Variants in TFEC observed in about 807,000 individuals in gnomAD.
The protein encoded by TFEC is transcription factor EC.
Under a neutral mutation model 41.6 loss-of-function variants are expected in TFEC, and 31 were observed. That is an observed-to-expected ratio of 0.74 (90% CI 0.56 to 1.01). The LOEUF (loss-of-function observed/expected upper bound fraction) is 1.01, where lower values mean the gene tolerates loss of function less well. TFEC is among the 50% of genes least tolerant of loss of function. The probability of loss-of-function intolerance (pLI) is 0.00; values close to 1 mark genes in which losing one functional copy is unlikely to be tolerated. For synonymous variants in TFEC, 143 were observed against 140.6 expected, an observed-to-expected ratio of 1.02 and a Z score of -0.12; for missense variants, 402 against 404.1, an observed-to-expected ratio of 0.99 and a Z score of 0.04.
At chr7:115,952,931 G>A (rs1190982725) in intron 5 of TFEC, among the ~76,000 whole-genome samples, 5 of 151,982 alleles carry the variant, frequency 3.3e-5, no homozygotes, top group East Asian at 1.9e-4. Context: ...CTGGGTTATC[G>A]GCACAAGCAA....
Position 115,956,786 on chromosome 7 carries a change from C to G in TFEC, c.275G>C (p.Gly92Ala). The G allele has an allele frequency of 6.4e-7, 1 of 1,565,826 alleles. No individual in the cohort carries two copies. Among genetic ancestry groups the G allele is most frequent in the Non-Finnish European group, 8.7e-7 (1 of 1,155,850 alleles). Reference protein sequence around the residue: ...SPLLMQRTLSGSILDVYSGEQ... With the variant: ...SPLLMQRTLSASILDVYSGEQ... Reference sequence around the variant, plus strand: ...ACCGCTATACACATCCAAAATACTTCCAGATAACTTGAGAGGAAAAAGGAA... The same window carrying G: ...ACCGCTATACACATCCAAAATACTTGCAGATAACTTGAGAGGAAAAAGGAA... Residue 92 changes from glycine (G) to alanine (A), a missense_variant, in exon 4 of 8, where the codon GGA becomes GCA. Physicochemically the swap from Gly to Ala is moderately conservative, Grantham distance 60 (BLOSUM62 0). Transcript: ENST00000265440.
At chr7:116,113,028 T>G (rs1199344827) in intron 1 of TFEC, among the ~76,000 whole-genome samples, 1 of 151,910 alleles carries the variant, frequency 6.6e-6, no homozygotes, top group Non-Finnish European at 1.5e-5. Flanking sequence ...TGGAATTCAC[T>G]AGGAGATAGG....
intron 4 of TFEC, among the ~76,000 whole-genome samples, chr7:115,955,204 A>C (rs1002767750): frequency 6.6e-6 from 1 of 151,994 alleles, no homozygotes; most frequent in African/African-American, 2.4e-5. Context: ...TTATATGACC[A>C]TCAACCTCCA....
intron 1 of TFEC, among the ~76,000 whole-genome samples, chr7:116,024,753 T>C (rs888484727): frequency 6.6e-6 from 1 of 152,210 alleles, no homozygotes; most frequent in Non-Finnish European, 1.5e-5. Flanking sequence ...GAGTACTTCA[T>C]GTTTTAGCTT....
intron 3 of TFEC, among the ~76,000 whole-genome samples, chr7:116,057,491 C>T (rs1796456778): frequency 6.6e-6 from 1 of 151,720 alleles, no homozygotes; most frequent in Non-Finnish European, 1.5e-5. Context: ...GAATTCATCA[C>T]CAGCATACCC....
intron 3 of TFEC, among the ~76,000 whole-genome samples, chr7:115,958,914 C>T (rs1338729437): frequency 6.6e-6 from 1 of 151,726 alleles, no homozygotes; most frequent in East Asian, 1.9e-4. Context: ...ACCTAAAGTG[C>T]ATTTTCTCCA....
chr7:116,072,505 TA>T (rs1214177082), intron 3 of TFEC, among the ~76,000 whole-genome samples: 1 of 151,732 alleles, frequency 6.6e-6, no homozygotes, highest in Non-Finnish European at 1.5e-5. Flanking sequence ...AGCAGATATT[TA>T]TATCAGAACA....
intron 3 of TFEC, among the ~76,000 whole-genome samples, chr7:116,109,216 G>C (rs1468278529): frequency 1.3e-5 from 2 of 151,436 alleles, no homozygotes; most frequent in Non-Finnish European, 2.9e-5. Context: ...AGCCAAAATT[G>C]ACAAATGGGA....
At chr7:115,942,730 T>C (rs1402546671) in intron 6 of TFEC, among the ~76,000 whole-genome samples, 3 of 152,034 alleles carry the variant, frequency 2.0e-5, no homozygotes, top group South Asian at 2.1e-4. Flanking sequence ...TTTTAGGCTA[T>C]AGCATAGAAG....
intron 1 of TFEC, among the ~76,000 whole-genome samples, chr7:116,027,007 G>T (rs1051017876): frequency 6.6e-6 from 1 of 152,112 alleles, no homozygotes; most frequent in African/African-American, 2.4e-5. Context: ...AAAGGCTGGG[G>T]GTGAAAATGT....
chr7:116,050,405 A>G (rs1408522177), intron 3 of TFEC, among the ~76,000 whole-genome samples: 3 of 152,206 alleles, frequency 2.0e-5, no homozygotes, highest in African/African-American at 7.2e-5. Flanking sequence ...CATCTGAAAA[A>G]GGGCTAATAT....
intron 1 of TFEC, among the ~76,000 whole-genome samples, chr7:116,003,704 T>G (rs1333631021): frequency 2.0e-5 from 3 of 152,170 alleles, no homozygotes; most frequent in Non-Finnish European, 4.4e-5. Flanking sequence ...CAAGCTCTCA[T>G]GGAATATGTA....
At chr7:116,118,785 C>A (rs17138320) in intron 1 of TFEC, among the ~76,000 whole-genome samples, 22,932 of 151,664 alleles carry the variant, frequency 0.15, 1,777 homozygotes, top group East Asian at 0.25. Flanking sequence ...TGGCTATAAG[C>A]GCTGGGAGGC....
Position 115,959,948 on chromosome 7 carries a change from G to A in TFEC, c.268-3155C>T, listed in dbSNP as rs186264009. On this transcript the variant is annotated intron_variant, in intron 3 of 7. Transcript: ENST00000265440. Reference sequence around the variant, plus strand: ...GGAAGAAAGAATTTTTTAAAGTAACGGAGACACATTTTTAAGAATTAATAG... The same window carrying A: ...GGAAGAAAGAATTTTTTAAAGTAACAGAGACACATTTTTAAGAATTAATAG... Among the ~76,000 whole-genome samples, 235 of 151,402 alleles carry A rather than the reference G, an allele frequency of 1.6e-3. 1 individual carries two copies. Among genetic ancestry groups the A allele is most frequent in the Non-Finnish European group, 2.6e-3 (174 of 67,624 alleles).
intron 3 of TFEC, among the ~76,000 whole-genome samples, chr7:116,089,365 A>C (rs1323656553): frequency 6.6e-6 from 1 of 152,044 alleles, no homozygotes; most frequent in Non-Finnish European, 1.5e-5. Flanking sequence ...GAATGACAAA[A>C]TTGGAGATCT....
At chr7:116,078,550 G>GAA (rs1299930247) in intron 3 of TFEC, among the ~76,000 whole-genome samples, 1 of 151,996 alleles carries the variant, frequency 6.6e-6, no homozygotes, top group Non-Finnish European at 1.5e-5. Flanking sequence ...AGGCTACTAT[G>GAA]AACACCTTTA....
intron 3 of TFEC, among the ~76,000 whole-genome samples, chr7:116,109,713 T>A (rs991018229): frequency 2.0e-5 from 3 of 152,198 alleles, no homozygotes; most frequent in Non-Finnish European, 4.4e-5. Context: ...GGCCCAGCCA[T>A]CCCATTACTG....
rs555419716 is a variant in TFEC at position 115,947,945 on chromosome 7, C to T, written c.515+2929G>A. 2.0e-3 allele frequency among the ~76,000 whole-genome samples: 298 copies of T among 151,682 alleles called. 1 individual carries two copies. Among genetic ancestry groups the T allele is most frequent in the African/African-American group, 6.8e-3 (281 of 41,356 alleles). On this transcript the variant is annotated intron_variant, in intron 6 of 7. Transcript: ENST00000265440. ...GAAAGGATCAACAAAATTGATAGAC[C>T]GCTAGCAAGACTAATAAAGAAAAAA...
intron 2 of TFEC, among the ~76,000 whole-genome samples, chr7:115,978,313 C>G (rs1793475800): frequency 6.6e-6 from 1 of 152,072 alleles, no homozygotes; most frequent in Non-Finnish European, 1.5e-5. Flanking sequence ...TGATCATGAA[C>G]ACGTATACAC....
Sources: gnomAD v4.1 joint callset for allele counts (sites outside exome capture counted in the v4.1 genomes callset) on GRCh38, gnomAD v4.1.1 for gene constraint, MANE v1.5 for transcripts, NCBI Gene and HGNC (gene_info 2026-07-23, HGNC 2026-07-21) for gene names.